The following PIWIL4 variants were observed in gnomAD, a reference collection of about 807,000 sequenced individuals.
PIWIL4 encodes piwi-like protein 4.
A neutral mutation model predicts 100.9 loss-of-function variants in PIWIL4; 50 were observed. The ratio of observed to expected loss-of-function variants is 0.50; its 90% CI spans 0.39 to 0.63. The LOEUF (loss-of-function observed/expected upper bound fraction) is 0.63, where lower values mean the gene tolerates loss of function less well. PIWIL4 is among the 20% of genes least tolerant of loss of function. PIWIL4 has a pLI of 0.00. For synonymous variants in PIWIL4, 342 were observed against 367.5 expected (o/e 0.93, Z 0.79); for missense variants, 887 against 1,043.3 (o/e 0.85, Z 2.06).
intron 5 of PIWIL4, among the ~76,000 whole-genome samples, chr11:94,584,603 A>G (rs1948372678): frequency 6.6e-6 from 1 of 152,160 alleles, no homozygotes; most frequent in South Asian, 2.1e-4. Flanking sequence ...TTTTTAAGAG[A>G]AAGGGGCTTA....
chr11:94,615,645 G>T (rs1284526364), intron 15 of PIWIL4, among the ~76,000 whole-genome samples: 1 of 152,090 alleles, frequency 6.6e-6, no homozygotes, highest in Non-Finnish European at 1.5e-5. Context: ...AAAATGTTTA[G>T]AGATGGGGTC....
At chr11:94,612,804 ACTC>A (rs954146946) in intron 15 of PIWIL4, among the ~76,000 whole-genome samples, 1 of 151,420 alleles carries the variant, frequency 6.6e-6, no homozygotes, top group African/African-American at 2.4e-5. Flanking sequence ...ACATACAAAA[ACTC>A]CTCACTTTTA....
chr11:94,611,787 G>T (rs1374837590), intron 15 of PIWIL4, among the ~76,000 whole-genome samples: 1 of 152,206 alleles, frequency 6.6e-6, no homozygotes, highest in Non-Finnish European at 1.5e-5. Flanking sequence ...CTTTCATGAT[G>T]ATTATAAGCT....
Position 94,593,612 on chromosome 11 carries a change from A to G in PIWIL4, c.1121A>G (p.His374Arg). 2 of 1,614,000 alleles carry G rather than the reference A, an allele frequency of 1.2e-6. No homozygotes were observed. Among genetic ancestry groups the G allele is most frequent in the Non-Finnish European group, 1.7e-6 (2 of 1,179,938 alleles). ...GACAACAGTGAGGCTCAGCTCGCCC[A>G]CCTGATACCTGAGCTCTGCTTTCTA... is the stretch of plus-strand genomic sequence containing the variant. Reference protein sequence around the residue: ...RNDNSEAQLAHLIPELCFLTG... With the variant: ...RNDNSEAQLARLIPELCFLTG... The change falls in exon 9 of 20, where the codon CAC (histidine) becomes CGC (arginine). Residue 374 changes from histidine to arginine, a missense_variant. By Grantham distance (29) the His-to-Arg change is conservative. Coordinates refer to ENST00000299001, the MANE Select transcript of PIWIL4 (RefSeq NM_152431.3).
intron 7 of PIWIL4, among the ~76,000 whole-genome samples, chr11:94,587,739 C>T (rs369123468): frequency 3.5e-4 from 53 of 152,322 alleles, no homozygotes; most frequent in African/African-American, 1.1e-3. Context: ...TTTCATTTTA[C>T]AGGACAGAAG....
chr11:94,586,434 T>C (rs1448920872), intron 6 of PIWIL4, among the ~76,000 whole-genome samples: 1 of 152,188 alleles, frequency 6.6e-6, no homozygotes, highest in Non-Finnish European at 1.5e-5. Context: ...TTTTTAAGTT[T>C]ATGTGGGAAG....
intron 3 of PIWIL4, among the ~76,000 whole-genome samples, chr11:94,576,448 T>G (rs951873008): frequency 6.6e-6 from 1 of 152,186 alleles, no homozygotes; most frequent in African/African-American, 2.4e-5. Context: ...TATCATTCTT[T>G]TCTATAAGAC....
At chr11:94,612,321 T>G (rs1479307214) in intron 15 of PIWIL4, among the ~76,000 whole-genome samples, 1 of 151,874 alleles carries the variant, frequency 6.6e-6, no homozygotes, top group Non-Finnish European at 1.5e-5. Context: ...TGAGGTTTTT[T>G]TTTTTTTTTT....
intron 10 of PIWIL4, 49 bp from the exon 11 acceptor site, chr11:94,597,755 A>G (rs1462037359): frequency 1.5e-6 from 2 of 1,337,208 alleles, no homozygotes; most frequent in South Asian, 1.3e-5. Context: ...GAATTCAGTA[A>G]GTTATAATTA....
chr11:94,617,293 A>G (rs1398086090), intron 16 of PIWIL4, among the ~76,000 whole-genome samples: 1 of 152,240 alleles, frequency 6.6e-6, no homozygotes, highest in Non-Finnish European at 1.5e-5. Context: ...CATGAAAATA[A>G]TTATTGCATT....
Position 94,577,437 on chromosome 11 carries a change from A to C in PIWIL4, c.458A>C (p.Lys153Thr), listed in dbSNP as rs768816954. Residue 153 changes from lysine (K) to threonine (T), a missense_variant, in exon 4 of 20, where the codon AAA (lysine) becomes ACA (threonine). Lys to Thr is a moderately conservative substitution (Grantham distance 78). Transcript: ENST00000299001. ...TATAGTCATAGTGAACTTTCCAACA[A>C]AGCAAAAGCATTCGACGGTGCCATC... ...LLYSHSELSN[K>T]AKAFDGAILF... 6.2e-7 allele frequency: 1 copy of C among 1,614,024 alleles called. No individual in the cohort carries two copies. Among genetic ancestry groups the C allele is most frequent in the Non-Finnish European group, 8.5e-7 (1 of 1,179,986 alleles).
At position 94,575,128 on chromosome 11, in the gene PIWIL4, C is replaced by T. The variant is rs1351538391; in HGVS notation, c.296C>T (p.Thr99Ile). The T allele has an allele frequency of 6.2e-7, 1 of 1,612,970 alleles. No individual in the cohort carries two copies. The highest frequency in any genetic ancestry group is 8.5e-7 in the Non-Finnish European group (1 of 1,179,716). Reference protein sequence around the residue: ...EKLAHVRNCKTGSSGIPVKLV... With the variant: ...EKLAHVRNCKIGSSGIPVKLV... ...TTGGCACATGTGAGAAATTGTAAAA[C>T]AGGTACCCAGTTTTATGTCACTTAC... is the stretch of plus-strand genomic sequence containing the variant. Residue 99 changes from threonine to isoleucine, a missense_variant and splice_region_variant, in exon 3 of 20, where the codon ACA (threonine) becomes ATA (isoleucine). This residue lies in a region of PIWIL4 where 741 missense variants were observed against 930.0 expected (regional missense o/e 0.80). Coordinates refer to ENST00000299001, the MANE Select transcript of PIWIL4 (RefSeq NM_152431.3).
In PIWIL4 at chr11:94,607,753, C is replaced by G. The variant is rs1020667459; in HGVS notation, c.1839+114C>G. ...TTATTTGGTTTGCTTGTTTCTTGAG[C>G]CTTTGCCCTGGGTTCTGGCATTCCA... On this transcript the variant is annotated intron_variant, in intron 14 of 19. Coordinates refer to ENST00000299001, the MANE Select transcript of PIWIL4 (RefSeq NM_152431.3). 5.3e-6 allele frequency: 6 copies of G among 1,136,178 alleles called. No homozygotes were observed. In the East Asian group the frequency reaches 7.8e-5, roughly 15 times the overall value. 70.4% of individuals were successfully genotyped at this position (1,136,178 alleles called of 1,614,324 possible).
intron 11 of PIWIL4, among the ~76,000 whole-genome samples, chr11:94,598,406 C>T (rs1288728021): frequency 1.3e-5 from 2 of 152,154 alleles, no homozygotes; most frequent in Non-Finnish European, 2.9e-5. Context: ...AAGAAGTATG[C>T]ACAGAACCCA....
At chr11:94,587,685 G>A (rs1000748945) in intron 7 of PIWIL4, among the ~76,000 whole-genome samples, 6 of 152,170 alleles carry the variant, frequency 3.9e-5, no homozygotes, top group Admixed American at 1.3e-4. Context: ...CCTGGGCGGC[G>A]CCCATAGCAC....
Position 94,621,301 on chromosome 11 carries a change from A to G in PIWIL4, c.*309A>G. On this transcript the variant is annotated 3_prime_UTR_variant, in exon 20 of 20. Coordinates refer to ENST00000299001, the MANE Select transcript of PIWIL4 (RefSeq NM_152431.3). ...AACACTTAAAATAAGTGTTTGCGTGATATTTTGATGACAGATAAACAGAGT... is the reference window on the plus strand; with the variant it reads ...AACACTTAAAATAAGTGTTTGCGTGGTATTTTGATGACAGATAAACAGAGT... 1 of 256,326 alleles carries G rather than the reference A, an allele frequency of 3.9e-6. No individual in the cohort carries two copies. The highest frequency in any genetic ancestry group is 7.7e-5 in the South Asian group (1 of 12,906). 15.9% of individuals were successfully genotyped at this position (256,326 alleles called of 1,614,324 possible).
At chr11:94,607,830 G>A (rs933450528) in intron 14 of PIWIL4, among the ~76,000 whole-genome samples, 191 bp downstream of exon 14, 18 of 152,180 alleles carry the variant, frequency 1.2e-4, no homozygotes, top group African/African-American at 4.1e-4. Flanking sequence ...GGGAGCTTCA[G>A]TTAAGCTGCT....
chr11:94,588,114 A>G (rs1290342303), intron 7 of PIWIL4, among the ~76,000 whole-genome samples: 1 of 151,234 alleles, frequency 6.6e-6, no homozygotes, highest in African/African-American at 2.4e-5. Context: ...CCTCCCCCCG[A>G]CCCTATCACC....
At chr11:94,582,151 G>A (rs1948328767) in intron 4 of PIWIL4, among the ~76,000 whole-genome samples, 1 of 152,136 alleles carries the variant, frequency 6.6e-6, no homozygotes, top group Admixed American at 6.5e-5. Flanking sequence ...CTCTTAGGTG[G>A]TTGTTGAAAA....
Sources: gnomAD v4.1 joint callset for allele counts (sites outside exome capture counted in the v4.1 genomes callset) on GRCh38, gnomAD v4.1.1 for gene constraint, gnomAD v4.1.1 regional missense constraint, MANE v1.5 for transcripts, NCBI Gene and HGNC (gene_info 2026-07-23, HGNC 2026-07-21) for gene names.